ASTN2: variants seen among roughly 807,000 people sequenced by gnomAD.
ASTN2 encodes the protein astrotactin 2.
Under a neutral mutation model 139.8 loss-of-function variants are expected in ASTN2, and 54 were observed. The observed-to-expected ratio is 0.39, with a 90% CI of 0.31 to 0.48. The LOEUF (loss-of-function observed/expected upper bound fraction) is 0.48. ASTN2 is among the 20% of genes least tolerant of loss of function. ASTN2 has a pLI of 0.95. For synonymous variants in ASTN2, 756 were observed against 719.5 expected (o/e 1.05, Z -0.81); for missense variants, 1,565 against 1,725.1 (o/e 0.91, Z 1.64).
chr9:117,165,599 T>A (rs1256138391), intron 3 of ASTN2, among the ~76,000 whole-genome samples: 1 of 152,150 alleles, frequency 6.6e-6, no homozygotes, highest in Non-Finnish European at 1.5e-5. Flanking sequence ...GTCATGAGAC[T>A]TTGGGGTCCT....
At chr9:116,487,941 A>C (rs564237894) in intron 19 of ASTN2, among the ~76,000 whole-genome samples, 23 of 152,312 alleles carry the variant, frequency 1.5e-4, no homozygotes, top group Non-Finnish European at 2.8e-4. Flanking sequence ...CTAAAGATGT[A>C]AAATAATTTT....
At chr9:116,456,873 C>T (rs1485248823) in intron 20 of ASTN2, among the ~76,000 whole-genome samples, 1 of 152,068 alleles carries the variant, frequency 6.6e-6, no homozygotes, top group East Asian at 1.9e-4. Context: ...TGTGAAACCA[C>T]CAAAGACACA....
intron 13 of ASTN2, among the ~76,000 whole-genome samples, chr9:116,739,474 GGAATTT>G (rs1455912015): frequency 5.9e-5 from 2 of 33,742 alleles, no homozygotes; most frequent in Non-Finnish European, 2.0e-4. Flanking sequence ...CCCTCTCTCT[GGAATTT>G]GCCCTCCCTC....
intron 16 of ASTN2, among the ~76,000 whole-genome samples, chr9:116,654,100 T>C (rs1858075316): frequency 6.6e-6 from 1 of 152,070 alleles, no homozygotes; most frequent in Non-Finnish European, 1.5e-5. Flanking sequence ...GGGGAGAAGG[T>C]CAAGAGAGAG....
intron 13 of ASTN2, among the ~76,000 whole-genome samples, chr9:116,793,625 A>G (rs1482088673): frequency 6.6e-6 from 1 of 152,240 alleles, no homozygotes; most frequent in African/African-American, 2.4e-5. Flanking sequence ...AAGGAACTTA[A>G]CGGTCCTTTG....
At position 117,017,730 on chromosome 9, in the gene ASTN2, T is replaced by C. The variant is rs1317596997; in HGVS notation, c.1424-9471A>G. On this transcript the variant is annotated intron_variant, in intron 6 of 22. Transcript: ENST00000313400. Reference sequence around the variant, plus strand: ...AAAATGTACATGATAAATTACACATTCCATTTACAATTGTATATCTGTCTG... The same window carrying C: ...AAAATGTACATGATAAATTACACATCCCATTTACAATTGTATATCTGTCTG... Among the ~76,000 whole-genome samples, 3 of 152,188 alleles carry C rather than the reference T, an allele frequency of 2.0e-5. No individual in the cohort carries two copies. The East Asian group carries it at 5.8e-4, about 29-fold the overall frequency.
At chr9:117,361,994 A>G (rs995960137) in intron 1 of ASTN2, among the ~76,000 whole-genome samples, 4 of 152,068 alleles carry the variant, frequency 2.6e-5, no homozygotes, top group African/African-American at 9.7e-5. Flanking sequence ...TTGCTTTGAG[A>G]TGGAGTTTCA....
At chr9:116,473,267 TA>T (rs1848873185) in intron 20 of ASTN2, among the ~76,000 whole-genome samples, 1 of 152,216 alleles carries the variant, frequency 6.6e-6, no homozygotes, top group Admixed American at 6.5e-5. Flanking sequence ...CTAAATTAAG[TA>T]CCTACTAAGT....
intron 20 of ASTN2, among the ~76,000 whole-genome samples, chr9:116,472,046 A>G (rs945594486): frequency 6.6e-6 from 1 of 152,062 alleles, no homozygotes; most frequent in African/African-American, 2.4e-5. Flanking sequence ...AGATTCATTC[A>G]GCCAGACCCC....
intron 13 of ASTN2, among the ~76,000 whole-genome samples, chr9:116,790,955 A>G (rs1370647503): frequency 1.0e-5 from 1 of 99,702 alleles, no homozygotes; most frequent in Non-Finnish European, 2.1e-5. Context: ...AGAAAGAAAG[A>G]AAAGAAAGAA....
intron 6 of ASTN2, among the ~76,000 whole-genome samples, chr9:117,016,114 T>C (rs1837664549): frequency 6.6e-6 from 1 of 152,128 alleles, no homozygotes; most frequent in African/African-American, 2.4e-5. Flanking sequence ...TTTACTTCTT[T>C]GGGGATGTTA....
chr9:116,841,342 G>A (rs943837855), intron 11 of ASTN2, among the ~76,000 whole-genome samples: 9 of 152,300 alleles, frequency 5.9e-5, no homozygotes, highest in East Asian at 1.9e-4. Flanking sequence ...GTCCAGCTTC[G>A]GCTCGGCATG....
intron 4 of ASTN2, among the ~76,000 whole-genome samples, chr9:117,115,271 C>T (rs188978217): frequency 6.6e-6 from 1 of 152,220 alleles, no homozygotes; most frequent in Admixed American, 6.5e-5. Context: ...AATCCCAGCA[C>T]TTTGGGAGGC....
chr9:116,860,413 C>A (rs764991898), intron 11 of ASTN2, among the ~76,000 whole-genome samples: 1 of 152,186 alleles, frequency 6.6e-6, no homozygotes, highest in African/African-American at 2.4e-5. Context: ...CAAATCATTG[C>A]CAGTTATATT....
chr9:117,170,126 T>C (rs969920683), intron 3 of ASTN2, among the ~76,000 whole-genome samples: 2 of 152,116 alleles, frequency 1.3e-5, no homozygotes, highest in South Asian at 2.1e-4. Context: ...ACACTGCATA[T>C]AATCATTAAA....
intron 13 of ASTN2, among the ~76,000 whole-genome samples, chr9:116,803,518 ATATATTTTTTT>A (rs1196334635): frequency 0.057 from 266 of 4,700 alleles, no homozygotes; most frequent in Admixed American, 0.12. Flanking sequence ...ATATATATAT[ATATATTTTTTT>A]TTTTTTTTTT....
At chr9:116,994,920 A>G (rs1188214330) in intron 7 of ASTN2, among the ~76,000 whole-genome samples, 1 of 152,206 alleles carries the variant, frequency 6.6e-6, no homozygotes, top group African/African-American at 2.4e-5. Flanking sequence ...TGCATAATAC[A>G]CTTTATCTAG....
intron 1 of ASTN2, among the ~76,000 whole-genome samples, chr9:117,298,055 G>A (rs931289450): frequency 3.3e-5 from 5 of 152,158 alleles, no homozygotes; most frequent in African/African-American, 1.2e-4. Context: ...ACCATTAAAT[G>A]GCTACCAGGA....
intron 13 of ASTN2, among the ~76,000 whole-genome samples, chr9:116,799,332 A>T (rs1830780610): frequency 6.6e-6 from 1 of 152,054 alleles, no homozygotes; most frequent in Non-Finnish European, 1.5e-5. Context: ...TGAATCCCCA[A>T]ATCCCACATC....
Sources: gnomAD v4.1 joint callset for allele counts (sites outside exome capture counted in the v4.1 genomes callset) on GRCh38, gnomAD v4.1.1 for gene constraint, MANE v1.5 for transcripts, NCBI Gene and HGNC (gene_info 2026-07-23, HGNC 2026-07-21) for gene names.